Variants in SGO1 observed in about 807,000 individuals in gnomAD.
SGO1 encodes the protein serologically defined breast cancer antigen NY-BR-85.
In SGO1, 39 loss-of-function variants were observed where a neutral mutation model predicts 50.5. The observed-to-expected ratio is 0.77, with a 90% CI of 0.60 to 1.01. SGO1 has a LOEUF of 1.01. Ranked by LOEUF, SGO1 falls within the 50% of genes least tolerant of loss-of-function variation. The pLI is 0.00. For missense variants in SGO1, 638 were observed against 606.0 expected (o/e 1.05, Z -0.55); for synonymous variants, 191 against 205.1 (o/e 0.93, Z 0.59).
chr3:20,185,846 GCGAGTGGGACTCCACGGCC>G (rs1207983759), intron 1 of SGO1, 83 bp downstream of exon 1: 4 of 152,348 alleles, frequency 2.6e-5, no homozygotes, highest in Non-Finnish European at 5.9e-5. Flanking sequence ...GAAAAGCGCG[GCGAGTGGGACTCCACGGCC>G]CGAGCTTTCG....
In SGO1 at chr3:20,173,384, C is replaced by T. The variant is rs540718990; in HGVS notation, c.1282+865G>A. Among the ~76,000 whole-genome samples the T allele has an allele frequency of 1.8e-3, 272 of 152,254 alleles. 1 individual carries two copies. Among genetic ancestry groups the T allele is most frequent in the Middle Eastern group, 3.4e-3 (1 of 294 alleles). On this transcript the variant is annotated intron_variant, in intron 6 of 7. Transcript: ENST00000412997. Reference sequence around the variant, plus strand: ...TGGACTCCTGACCTCAGGTGATCCGCCCACCTCAGCCTCCCAAAGTGCTGG... The same window carrying T: ...TGGACTCCTGACCTCAGGTGATCCGTCCACCTCAGCCTCCCAAAGTGCTGG...
chr3:20,182,524 T>C (rs1459610880), intron 3 of SGO1, among the ~76,000 whole-genome samples: 7 of 152,078 alleles, frequency 4.6e-5, no homozygotes, highest in Admixed American at 1.3e-4. Flanking sequence ...CAGTGGCTAC[T>C]GGAAAAAGGG....
At chr3:20,165,918 G>A (rs1175713092), downstream of SGO1, among the ~76,000 whole-genome samples, 1 of 151,904 alleles carries the variant, frequency 6.6e-6, no homozygotes, top group Admixed American at 6.6e-5. Flanking sequence ...TGGGCATGGT[G>A]GGCACACACC....
At position 20,170,330 on chromosome 3, in the gene SGO1, G is replaced by A. The variant is rs545766859; in HGVS notation, c.*374C>T. ...GGAGAATCGCTTGAACCTGGGAGGC[G>A]GAGGTTGCGGTAAGCTGAGATCGTG... On this transcript the variant is annotated 3_prime_UTR_variant, in exon 8 of 8. Coordinates refer to ENST00000412997, the MANE Select transcript of SGO1 (RefSeq NM_001199251.3). 138 of 669,336 alleles carry A rather than the reference G, an allele frequency of 2.1e-4. 2 individuals carry two copies. The South Asian group carries it at 7.9e-3, about 39-fold the overall frequency. The allele number at this position is 669,336 out of a possible 1,614,324, so 41.5% of individuals were successfully genotyped here.
In SGO1 at chr3:20,178,357, T is replaced by C. The variant is rs1408966854; in HGVS notation, c.340-10A>G. On this transcript the variant is annotated splice_polypyrimidine_tract_variant and intron_variant, in intron 3 of 7. Coordinates refer to ENST00000412997, the MANE Select transcript of SGO1 (RefSeq NM_001199251.3). The stretch of plus-strand genomic sequence containing the variant: ...AACATATTTCCTGGTTCTGTTAATG[T>C]ATTAAAACAAAACACTGTTATAACT... 1 of 1,589,892 alleles carries C rather than the reference T, an allele frequency of 6.3e-7. No homozygotes were observed. Among genetic ancestry groups the C allele is most frequent in the African/African-American group, 1.3e-5 (1 of 74,498 alleles).
chr3:20,162,272 C>T (rs1440640561), intron 8 of SGO1, among the ~76,000 whole-genome samples: 1 of 152,150 alleles, frequency 6.6e-6, no homozygotes, highest in African/African-American at 2.4e-5. Flanking sequence ...AAACAACACT[C>T]AAAAGTAATA....
intron 3 of SGO1, among the ~76,000 whole-genome samples, chr3:20,179,911 A>C (rs1052722651): frequency 1.3e-5 from 2 of 152,206 alleles, no homozygotes; most frequent in African/African-American, 4.8e-5. Flanking sequence ...GGTCAAGAAG[A>C]AAGAGAAGTG....
In SGO1 at chr3:20,169,946, T is replaced by C; in HGVS notation, c.*758A>G. The C allele has an allele frequency of 2.0e-6, 2 of 983,426 alleles. No individual in the cohort carries two copies. The highest frequency in any genetic ancestry group is 3.5e-5 in the African/African-American group (2 of 57,324). The allele number at this position is 983,426 out of a possible 1,614,324, so 60.9% of individuals were successfully genotyped here. ...ACACAGAGTTTCAAAAGATCCACAATAATTTATTTTACTCAAATATTGTAC... is the reference window on the plus strand; with the variant it reads ...ACACAGAGTTTCAAAAGATCCACAACAATTTATTTTACTCAAATATTGTAC... On this transcript the variant is annotated 3_prime_UTR_variant, in exon 8 of 8. Transcript: ENST00000412997.
chr3:20,161,531 A>G (rs944448952), intron 8 of SGO1, among the ~76,000 whole-genome samples: 6 of 152,170 alleles, frequency 3.9e-5, no homozygotes, highest in African/African-American at 1.4e-4. Context: ...AGCTAAAAAG[A>G]TGGAAAATAT....
chr3:20,183,804 G>C lies in SGO1; in HGVS notation c.143C>G (p.Thr48Ser). Reference protein sequence around the residue: ...SFIAAPCQIITNTSTLLKNYQ... With the variant: ...SFIAAPCQIISNTSTLLKNYQ... ...ATTTTTCAGCAGTGTAGAAGTGTTGGCTAAAAGAGGATAAAAAAATTTATC... is the reference window on the plus strand; with the variant it reads ...ATTTTTCAGCAGTGTAGAAGTGTTGCCTAAAAGAGGATAAAAAAATTTATC... Residue 48 changes from threonine (T) to serine (S), a missense_variant and splice_region_variant, in exon 3 of 8, where the codon ACC (threonine) becomes AGC (serine). Transcript: ENST00000412997. 1 of 1,602,714 alleles carries C rather than the reference G, an allele frequency of 6.2e-7. No homozygotes were observed. Among genetic ancestry groups the C allele is most frequent in the Non-Finnish European group, 8.5e-7 (1 of 1,177,416 alleles).
intron 6 of SGO1, among the ~76,000 whole-genome samples, chr3:20,173,431 C>T (rs905443852): frequency 1.2e-4 from 18 of 152,164 alleles, no homozygotes; most frequent in South Asian, 8.3e-4. Context: ...TGAGCCAACC[C>T]GCCCGGCTTA....
At chr3:20,185,469 T>C (rs1702538230) in intron 1 of SGO1, among the ~76,000 whole-genome samples, 2 of 152,080 alleles carry the variant, frequency 1.3e-5, no homozygotes, top group African/African-American at 2.4e-5. Context: ...CAGCGCGAGA[T>C]GACGGTCTCA....
intron 8 of SGO1, among the ~76,000 whole-genome samples, chr3:20,162,486 G>C (rs1394801887): frequency 1.3e-5 from 2 of 152,060 alleles, no homozygotes; most frequent in Non-Finnish European, 2.9e-5. Context: ...TTAATTGCCT[G>C]ACAAAACGAA....
At position 20,183,920 on chromosome 3, in the gene SGO1, G is replaced by C; in HGVS notation, c.108C>G (p.Arg36=). The C allele has an allele frequency of 3.7e-6, 6 of 1,612,502 alleles. No individual in the cohort carries two copies. Among genetic ancestry groups the C allele is most frequent in the Non-Finnish European group, 5.1e-6 (6 of 1,179,622 alleles). The change falls in exon 2 of 8, where the codon CGC becomes CGG. Residue 36 remains arginine (R), a synonymous_variant. Transcript: ENST00000412997. ...GGCATGGTGCAGCTATAAAAGACCT[G>C]CGTTTGCCAATCTCTGCCAAGTTTT... The part of the protein sequence containing the change: ...RNKNLAEIGK[R]RSFIAAPCQI...
intron 4 of SGO1, 121 bp from the exon 5 acceptor site, chr3:20,176,780 A>T (rs1701442112): frequency 1.6e-6 from 1 of 631,292 alleles, no homozygotes; most frequent in Admixed American, 3.4e-5. Context: ...ATTTCAAATC[A>T]ATACATCTAT....
intron 3 of SGO1, among the ~76,000 whole-genome samples, chr3:20,179,589 T>TA (rs1197446861): frequency 6.6e-6 from 1 of 151,996 alleles, no homozygotes; most frequent in Non-Finnish European, 1.5e-5. Context: ...CACAACTGGC[T>TA]AATTTTTATT....
chr3:20,177,722 C>G (rs1408697289), intron 4 of SGO1, among the ~76,000 whole-genome samples: 2 of 152,136 alleles, frequency 1.3e-5, no homozygotes, highest in Admixed American at 1.3e-4. Flanking sequence ...CAAATTGTAA[C>G]TGTGATCTGT....
chr3:20,171,275 C>T, intron 6 of SGO1, 43 bp from the exon 7 acceptor site: 2 of 1,462,494 alleles, frequency 1.4e-6, no homozygotes, highest in East Asian at 2.4e-5. Context: ...AAAAAAAAAC[C>T]CACACAAAAA....
chr3:20,172,501 CAAAAAAAAAA>C (rs60237637), intron 6 of SGO1, among the ~76,000 whole-genome samples: 1 of 102,586 alleles, frequency 9.7e-6, no homozygotes, highest in Non-Finnish European at 2.0e-5. Flanking sequence ...AACTCTGTTT[CAAAAAAAAAA>C]AAAAAAAAAA....
Sources: allele counts gnomAD v4.1 joint callset (sites outside exome capture counted in the v4.1 genomes callset), GRCh38; gene constraint gnomAD v4.1.1; transcripts MANE v1.5; gene names NCBI Gene and HGNC (gene_info 2026-07-23, HGNC 2026-07-21).